AKAP6: variants seen among roughly 807,000 people sequenced by gnomAD.
AKAP6 encodes A-kinase anchoring protein 6, also known as A-kinase anchor protein 6.
Under a neutral mutation model 188.5 loss-of-function variants are expected in AKAP6, and 58 were observed. That is an observed-to-expected ratio of 0.31 (90% CI 0.25 to 0.38). The LOEUF (loss-of-function observed/expected upper bound fraction) is 0.38, where lower values mean the gene tolerates loss of function less well. AKAP6 is among the 10% of genes least tolerant of loss of function. AKAP6 has a pLI of 1.00. For missense variants in AKAP6, 2,710 were observed against 2,740.0 expected, an observed-to-expected ratio of 0.99 and a Z score of 0.24; for synonymous variants, 989 against 998.6, an observed-to-expected ratio of 0.99 and a Z score of 0.18.
chr14:32,702,331 C>T (rs1365928160), intron 9 of AKAP6, among the ~76,000 whole-genome samples: 3 of 151,778 alleles, frequency 2.0e-5, no homozygotes, highest in Admixed American at 6.6e-5. Flanking sequence ...TTGAAAAGTC[C>T]TTAGATTAAC....
At chr14:32,367,001 A>G (rs1284807313) in intron 1 of AKAP6, among the ~76,000 whole-genome samples, 1 of 152,134 alleles carries the variant, frequency 6.6e-6, no homozygotes, top group Admixed American at 6.5e-5. Flanking sequence ...AAGGGCCTGC[A>G]TGGTAGTCAA....
intron 1 of AKAP6, among the ~76,000 whole-genome samples, chr14:32,345,086 A>G (rs1887025708): frequency 6.6e-6 from 1 of 152,130 alleles, no homozygotes; most frequent in African/African-American, 2.4e-5. Flanking sequence ...TGTTTTTTCT[A>G]TGCTTCCTTT....
intron 5 of AKAP6, among the ~76,000 whole-genome samples, chr14:32,598,846 A>G (rs768275462): frequency 1.6e-4 from 24 of 152,140 alleles, no homozygotes; most frequent in South Asian, 2.1e-4. Flanking sequence ...AGGCAGTGTC[A>G]TATTATAGGG....
chr14:32,659,998 T>TA lies in AKAP6; in HGVS notation c.2731-18305dup, dbSNP rs201386155. On this transcript the variant is annotated intron_variant, in intron 7 of 13. Transcript: ENST00000280979. ...ACTGATGTGCTATTGGCATGCTGGT[T>TA]AAAAAAAATATATATATAAAGAAAG... 5.9e-3 allele frequency among the ~76,000 whole-genome samples: 893 copies of TA among 151,918 alleles called. 2 individuals are homozygous for TA. Among genetic ancestry groups the TA allele is most frequent in the African/African-American group, 0.017 (705 of 41,398 alleles).
chr14:32,685,496 G>A (rs1000340053), intron 8 of AKAP6, among the ~76,000 whole-genome samples: 8 of 151,850 alleles, frequency 5.3e-5, no homozygotes, highest in Non-Finnish European at 1.0e-4. Flanking sequence ...AGGCCGAGGC[G>A]GGCGGATCAC....
chr14:32,336,324 C>G (rs1359867393), intron 1 of AKAP6, among the ~76,000 whole-genome samples: 1 of 152,012 alleles, frequency 6.6e-6, no homozygotes, highest in Non-Finnish European at 1.5e-5. Context: ...GGATCAAGCC[C>G]CAGGAATACA....
At chr14:32,828,154 G>A (rs527867513) in intron 13 of AKAP6, among the ~76,000 whole-genome samples, 4 of 152,218 alleles carry the variant, frequency 2.6e-5, no homozygotes, top group East Asian at 1.9e-4. Context: ...GCTCAAGTAC[G>A]CACATAAAGA....
At chr14:32,590,615 A>G (rs1885450743) in intron 5 of AKAP6, among the ~76,000 whole-genome samples, 1 of 152,188 alleles carries the variant, frequency 6.6e-6, no homozygotes, top group African/African-American at 2.4e-5. Context: ...TACCATTTAC[A>G]AATCAAAATG....
rs1315150064 is a variant in AKAP6 at position 32,831,443 on chromosome 14, CAATAGAT to C, written c.*1643_*1649del. Reference sequence around the variant, plus strand: ...AGAGGTACAATGCAATATAAAGTCACAATAGATAATATATATCAAATTTCTAAAAGGT... The same window carrying C: ...AGAGGTACAATGCAATATAAAGTCACAATATATATCAAATTTCTAAAAGGT... On this transcript the variant is annotated 3_prime_UTR_variant, in exon 14 of 14. Transcript: ENST00000280979. 3 of 152,158 alleles carry C rather than the reference CAATAGAT, an allele frequency of 2.0e-5. No homozygotes were observed. The highest frequency in any genetic ancestry group is 4.4e-5 in the Non-Finnish European group (3 of 68,014). The allele number at this position is 152,158 out of a possible 1,614,324, so 9.4% of individuals were successfully genotyped here.
intron 7 of AKAP6, among the ~76,000 whole-genome samples, chr14:32,675,693 C>G (rs1889395916): frequency 6.6e-6 from 1 of 152,198 alleles, no homozygotes; most frequent in Middle Eastern, 3.2e-3. Context: ...CCATCTAATT[C>G]ATCTCCTTGT....
intron 4 of AKAP6, among the ~76,000 whole-genome samples, chr14:32,548,567 T>TAGAG (rs1883309495): frequency 6.6e-6 from 1 of 151,734 alleles, no homozygotes; most frequent in African/African-American, 2.4e-5. Context: ...GATAGATAGA[T>TAGAG]AGATAGATAG....
intron 12 of AKAP6, among the ~76,000 whole-genome samples, chr14:32,805,399 T>G (rs1442340456): frequency 6.6e-6 from 1 of 152,182 alleles, no homozygotes; most frequent in African/African-American, 2.4e-5. Context: ...ACTAAGATAT[T>G]GAAATTGTCA....
intron 7 of AKAP6, among the ~76,000 whole-genome samples, chr14:32,644,925 A>G (rs1243919567): frequency 6.6e-6 from 1 of 152,146 alleles, no homozygotes; most frequent in Non-Finnish European, 1.5e-5. Context: ...CTGGTCTTTG[A>G]CAGACTAACG....
intron 12 of AKAP6, among the ~76,000 whole-genome samples, chr14:32,817,275 C>G (rs1054118651): frequency 9.9e-5 from 15 of 152,072 alleles, no homozygotes; most frequent in South Asian, 8.3e-4. Context: ...TATTACCTGC[C>G]ACGGTTGGAA....
At chr14:32,759,689 G>A (rs56779345) in intron 11 of AKAP6, among the ~76,000 whole-genome samples, 13,949 of 152,238 alleles carry the variant, frequency 0.092, 640 homozygotes, top group East Asian at 0.12. Flanking sequence ...CATAGTGGAA[G>A]GCAAAGGGGG....
intron 9 of AKAP6, among the ~76,000 whole-genome samples, chr14:32,723,829 T>C (rs1315612550): frequency 6.6e-6 from 1 of 152,200 alleles, no homozygotes; most frequent in Non-Finnish European, 1.5e-5. Context: ...TTTATGACAG[T>C]AGCAATAGTT....
chr14:32,592,929 C>A (rs1277227565), intron 5 of AKAP6, among the ~76,000 whole-genome samples: 1 of 151,782 alleles, frequency 6.6e-6, no homozygotes, highest in Non-Finnish European at 1.5e-5. Context: ...TTGTCAACAG[C>A]CCCATTCTAC....
chr14:32,413,813 G>A (rs1177220921), intron 1 of AKAP6, among the ~76,000 whole-genome samples: 2 of 151,960 alleles, frequency 1.3e-5, no homozygotes, highest in East Asian at 1.9e-4. Context: ...CAGGCAGGAG[G>A]GAGGATGAGC....
intron 2 of AKAP6, among the ~76,000 whole-genome samples, chr14:32,455,321 G>A (rs1031066752): frequency 1.7e-4 from 26 of 151,982 alleles, no homozygotes; most frequent in Admixed American, 2.6e-4. Flanking sequence ...ACATATTTAG[G>A]TCTTTAAAGA....
Sources: allele counts gnomAD v4.1 joint callset (sites outside exome capture counted in the v4.1 genomes callset), GRCh38; gene constraint gnomAD v4.1.1; transcripts MANE v1.5; gene names NCBI Gene and HGNC (gene_info 2026-07-23, HGNC 2026-07-21).